Variants in CAMK1D observed in about 807,000 individuals in gnomAD.
CAMK1D encodes calcium/calmodulin-dependent protein kinase type 1D.
A neutral mutation model predicts 47.7 loss-of-function variants in CAMK1D; 9 were observed. The ratio of observed to expected loss-of-function variants is 0.19; its 90% confidence interval spans 0.11 to 0.33. The LOEUF is 0.33. Ranked by LOEUF, CAMK1D falls within the 10% of genes least tolerant of loss-of-function variation. The probability of loss-of-function intolerance (pLI) is 1.00; values close to 1 mark genes in which losing one functional copy is unlikely to be tolerated. For synonymous variants in CAMK1D, 184 were observed against 184.9 expected (o/e 0.99, Z 0.04); for missense variants, 291 against 488.7 (o/e 0.60, Z 3.81).
At chr10:12,467,246 G>A (rs1397376069) in intron 1 of CAMK1D, among the ~76,000 whole-genome samples, 2 of 134,894 alleles carry the variant, frequency 1.5e-5, no homozygotes, top group African/African-American at 5.3e-5. Flanking sequence ...TCTGCCTCCC[G>A]GGTTCAAGCG....
At chr10:12,520,660 A>T (rs1835378436) in intron 1 of CAMK1D, among the ~76,000 whole-genome samples, 1 of 46,652 alleles carries the variant, frequency 2.1e-5, no homozygotes, top group African/African-American at 8.6e-5. Flanking sequence ...AGTGAACGAG[A>T]CTCCGTCTGC....
At position 12,694,094 on chromosome 10, in the gene CAMK1D, AT is replaced by A. The variant is rs1329627760; in HGVS notation, c.299+27286del. ...ATAAAAAATATTATGTATAATATAT[AT>A]TATATAATATATAATATATATTATG... On this transcript the variant is annotated intron_variant, in intron 3 of 10. Transcript: ENST00000619168. 2.1e-4 allele frequency among the ~76,000 whole-genome samples: 12 copies of A among 57,132 alleles called. 2 individuals carry two copies. The highest frequency in any genetic ancestry group is 8.6e-4 in the African/African-American group (12 of 13,948). The allele number at this position is 57,132 out of a possible 152,430, so 37.5% of individuals were successfully genotyped here. A position where few individuals can be genotyped will look rare whatever the true frequency, so the allele number is the denominator to read the frequency against.
In CAMK1D at chr10:12,830,926, AACAC is replaced by A. The variant is rs3995677; in HGVS notation, c.*2075_*2078del. ...GTGATGCCCCCCCACCCTCTCAATA[AACAC>A]ACACACACACACACACACACACACA... On this transcript the variant is annotated 3_prime_UTR_variant, in exon 11 of 11. Transcript: ENST00000619168. The A allele has an allele frequency of 1.4e-3, 150 of 103,812 alleles. 3 individuals carry two copies. Among genetic ancestry groups the A allele is most frequent in the African/African-American group, 3.7e-3 (97 of 26,536 alleles). 6.4% of individuals were successfully genotyped at this position (103,812 alleles called of 1,614,324 possible).
Position 12,766,029 on chromosome 10 carries a change from A to G in CAMK1D, c.439-3644A>G, listed in dbSNP as rs900568432. Among the ~76,000 whole-genome samples, 4 of 141,264 alleles carry G rather than the reference A, an allele frequency of 2.8e-5. No individual in the cohort carries two copies. The East Asian group carries it at 8.3e-4, about 29-fold the overall frequency. 92.7% of individuals were successfully genotyped at this position (141,264 alleles called of 152,430 possible). On this transcript the variant is annotated intron_variant, in intron 4 of 10. Coordinates refer to ENST00000619168, the MANE Select transcript of CAMK1D (RefSeq NM_153498.4). ...TGCCCAGACTGGAGTGCAATGGCGC[A>G]ATCTCAACTCTCTGCAACCTCTGCC...
chr10:12,742,706 ATT>A (rs149662070), intron 3 of CAMK1D, among the ~76,000 whole-genome samples: 2,486 of 152,316 alleles, frequency 0.016, 36 homozygotes, highest in Middle Eastern at 0.037. Flanking sequence ...TTGAACAGTT[ATT>A]TGAGATCACA....
chr10:12,611,125 G>A (rs1393259307), intron 2 of CAMK1D, among the ~76,000 whole-genome samples: 2 of 152,204 alleles, frequency 1.3e-5, no homozygotes, highest in Non-Finnish European at 1.5e-5. Flanking sequence ...ACCAGGTTCT[G>A]AATGTAGGCC....
chr10:12,754,992 G>A (rs1836164332), intron 3 of CAMK1D, among the ~76,000 whole-genome samples: 2 of 152,134 alleles, frequency 1.3e-5, no homozygotes, highest in African/African-American at 4.8e-5. Context: ...AAAACGCCCA[G>A]AATCAGAGTG....
chr10:12,600,465 G>A (rs765465761), intron 2 of CAMK1D, among the ~76,000 whole-genome samples: 17 of 152,196 alleles, frequency 1.1e-4, no homozygotes, highest in South Asian at 2.1e-4. Flanking sequence ...GTCAGTGAAC[G>A]TGTGTTTTGA....
chr10:12,388,745 C>T (rs1838613505), intron 1 of CAMK1D, among the ~76,000 whole-genome samples: 1 of 152,182 alleles, frequency 6.6e-6, no homozygotes. Flanking sequence ...GGGCTAGAGG[C>T]TCCAGCAGTT....
chr10:12,784,536 G>A (rs924395804), intron 5 of CAMK1D, among the ~76,000 whole-genome samples: 7 of 152,136 alleles, frequency 4.6e-5, no homozygotes, highest in Non-Finnish European at 8.8e-5. Flanking sequence ...TGAGTGACAA[G>A]CACATTCACA....
Position 12,825,158 on chromosome 10 carries a change from C to T in CAMK1D, c.922-415C>T, listed in dbSNP as rs187972397. Among the ~76,000 whole-genome samples the T allele has an allele frequency of 1.2e-3, 188 of 152,226 alleles. 2 individuals are homozygous for T. Among genetic ancestry groups the T allele is most frequent in the African/African-American group, 4.2e-3 (176 of 41,524 alleles). On this transcript the variant is annotated intron_variant, in intron 9 of 10. Coordinates refer to ENST00000619168, the MANE Select transcript of CAMK1D (RefSeq NM_153498.4). The stretch of plus-strand genomic sequence containing the variant: ...GCGCAAAAGTAGTTGTGGTTTCTTC[C>T]ATTAAAATTGCCATTACTTTTGCAC...
chr10:12,583,841 C>T (rs918811886), intron 2 of CAMK1D, among the ~76,000 whole-genome samples: 4 of 152,012 alleles, frequency 2.6e-5, no homozygotes, highest in African/African-American at 7.2e-5. Flanking sequence ...CCTCGTGATC[C>T]GCCTGCCTCT....
At chr10:12,813,778 T>G (rs1199892736) in intron 6 of CAMK1D, among the ~76,000 whole-genome samples, 1 of 152,094 alleles carries the variant, frequency 6.6e-6, no homozygotes, top group African/African-American at 2.4e-5. Context: ...TTCTTTTTTC[T>G]GAGACAGAGT....
chr10:12,412,494 A>G (rs1178808138), intron 1 of CAMK1D, among the ~76,000 whole-genome samples: 2 of 150,390 alleles, frequency 1.3e-5, no homozygotes, highest in Non-Finnish European at 3.0e-5. Flanking sequence ...GTGGCGGCAC[A>G]TGCCTGTAAT....
chr10:12,360,044 AAGCC>A (rs1334534953), intron 1 of CAMK1D, among the ~76,000 whole-genome samples: 6 of 152,194 alleles, frequency 3.9e-5, no homozygotes, highest in African/African-American at 1.4e-4. Flanking sequence ...GTCCCTGTGG[AAGCC>A]AGACAATGTC....
chr10:12,825,100 G>A (rs1833148871), intron 9 of CAMK1D, among the ~76,000 whole-genome samples: 1 of 152,344 alleles, frequency 6.6e-6, no homozygotes, highest in Admixed American at 6.5e-5. Context: ...TTGCTGGCCT[G>A]CTGTATTCAT....
At chr10:12,588,759 G>A (rs1837896146) in intron 2 of CAMK1D, among the ~76,000 whole-genome samples, 1 of 151,704 alleles carries the variant, frequency 6.6e-6, no homozygotes, top group South Asian at 2.1e-4. Flanking sequence ...AGAGAGTTGT[G>A]TCAATTTAAA....
chr10:12,404,172 AGTAGTTG>A (rs1410186740), intron 1 of CAMK1D, among the ~76,000 whole-genome samples: 3 of 151,438 alleles, frequency 2.0e-5, no homozygotes, highest in African/African-American at 7.3e-5. Flanking sequence ...CAGCCTTCCC[AGTAGTTG>A]GGATTACAGG....
intron 1 of CAMK1D, among the ~76,000 whole-genome samples, chr10:12,469,622 C>T (rs902953799): frequency 3.9e-5 from 6 of 152,028 alleles, no homozygotes; most frequent in South Asian, 2.1e-4. Flanking sequence ...AGCTTATTTC[C>T]GGGAAAAGCT....
Sources: allele counts gnomAD v4.1 joint callset (sites outside exome capture counted in the v4.1 genomes callset), GRCh38; gene constraint gnomAD v4.1.1; transcripts MANE v1.5; gene names NCBI Gene and HGNC (gene_info 2026-07-23, HGNC 2026-07-21).